CYP2C18: variants seen among roughly 807,000 people sequenced by gnomAD.
CYP2C18 encodes the protein cytochrome P450 2C18.
A neutral mutation model predicts 41.3 loss-of-function variants in CYP2C18; 38 were observed. The observed-to-expected ratio is 0.92, with a 90% CI of 0.71 to 1.21. The LOEUF (loss-of-function observed/expected upper bound fraction) is 1.21, where lower values mean the gene tolerates loss of function less well. Ranked by LOEUF, CYP2C18 falls within the 50% of genes most tolerant of loss-of-function variation. The pLI is 0.00. For synonymous variants in CYP2C18, 236 were observed against 210.0 expected (o/e 1.12, Z -1.07); for missense variants, 635 against 591.4 (o/e 1.07, Z -0.77).
chr10:94,724,353 C>G lies in CYP2C18; in HGVS notation c.969C>G (p.Val323=), dbSNP rs1442378406. The change falls in exon 7 of 9, where the codon GTC becomes GTG. Residue 323 remains valine, a synonymous_variant. Coordinates refer to ENST00000285979, the MANE Select transcript of CYP2C18 (RefSeq NM_000772.3). ...TTACTTGTGTCTTATCAGCTAAAGT[C>G]CAGGAAGAGATTGAATGTGTAGTTG... is the stretch of plus-strand genomic sequence containing the variant. ...LLKYPEVTAK[V]QEEIECVVGR... 3 of 1,613,098 alleles carry G rather than the reference C, an allele frequency of 1.9e-6. No individual in the cohort carries two copies. Among genetic ancestry groups the G allele is most frequent in the Non-Finnish European group, 1.7e-6 (2 of 1,179,544 alleles).
At chr10:94,720,733 G>A (rs1454283105) in intron 6 of CYP2C18, among the ~76,000 whole-genome samples, 196 bp downstream of exon 6, 4 of 152,144 alleles carry the variant, frequency 2.6e-5, no homozygotes, top group Non-Finnish European at 5.9e-5. Flanking sequence ...GACTGAGAGA[G>A]GTGAAGACAG....
At chr10:94,692,182 A>C (rs1847013134) in intron 3 of CYP2C18, among the ~76,000 whole-genome samples, 1 of 152,216 alleles carries the variant, frequency 6.6e-6, no homozygotes, top group African/African-American at 2.4e-5. Flanking sequence ...ATGGGATCTA[A>C]TTAAACTAAA....
rs1201450483 is a variant in CYP2C18 at position 94,736,183 on chromosome 10, A to G, written c.*739A>G. 6 of 152,154 alleles carry G rather than the reference A, an allele frequency of 3.9e-5. No homozygotes were observed. Among genetic ancestry groups the G allele is most frequent in the Non-Finnish European group, 1.5e-5 (1 of 68,014 alleles). 9.4% of individuals were successfully genotyped at this position (152,154 alleles called of 1,614,324 possible). On this transcript the variant is annotated 3_prime_UTR_variant, in exon 9 of 9. Transcript: ENST00000285979. Reference sequence around the variant, plus strand: ...ATCATGTCTAAATATATGCTTTCATATGGCTAATCATGTGTTAATGACTGT... The same window carrying G: ...ATCATGTCTAAATATATGCTTTCATGTGGCTAATCATGTGTTAATGACTGT...
intron 3 of CYP2C18, among the ~76,000 whole-genome samples, chr10:94,691,479 C>T (rs1213618133): frequency 6.6e-6 from 1 of 152,024 alleles, no homozygotes; most frequent in African/African-American, 2.4e-5. Flanking sequence ...ATGTGAAGGA[C>T]CTCTTCAAGG....
chr10:94,705,528 A>C (rs2134189894), intron 4 of CYP2C18, among the ~76,000 whole-genome samples: 1 of 151,980 alleles, frequency 6.6e-6, no homozygotes, highest in East Asian at 1.9e-4. Flanking sequence ...AAAAATAAAA[A>C]CCCACAAAGC....
At chr10:94,727,567 G>T (rs1847762998) in intron 7 of CYP2C18, among the ~76,000 whole-genome samples, 1 of 151,388 alleles carries the variant, frequency 6.6e-6, no homozygotes, top group Non-Finnish European at 1.5e-5. Context: ...GTGAGCTATG[G>T]TCGTACCACT....
chr10:94,732,035 A>C (rs1012427199), intron 7 of CYP2C18, among the ~76,000 whole-genome samples: 3 of 152,266 alleles, frequency 2.0e-5, no homozygotes, highest in African/African-American at 4.8e-5. Context: ...CTATTAACAA[A>C]GTAAACAGAC....
In CYP2C18 at chr10:94,719,390, C is replaced by T. The variant is rs1847609863; in HGVS notation, c.820-1006C>T. Among the ~76,000 whole-genome samples, 2 of 151,686 alleles carry T rather than the reference C, an allele frequency of 1.3e-5. 1 individual carries two copies. Among genetic ancestry groups the T allele is most frequent in the South Asian group, 4.2e-4 (2 of 4,808 alleles). On this transcript the variant is annotated intron_variant, in intron 5 of 8. Coordinates refer to ENST00000285979, the MANE Select transcript of CYP2C18 (RefSeq NM_000772.3). ...CCATTTTTGATCCCCACGCTTACAA[C>T]ATGAACCTTCATCTTGATTATTTTT...
intron 1 of CYP2C18, 92 bp downstream of exon 1, chr10:94,684,079 T>C: frequency 1.2e-6 from 1 of 857,364 alleles, no homozygotes; most frequent in Non-Finnish European, 1.7e-6. Flanking sequence ...TGATAAATGA[T>C]AATTGTATAT....
At chr10:94,713,901 G>A (rs1847492513) in intron 5 of CYP2C18, among the ~76,000 whole-genome samples, 4 of 152,112 alleles carry the variant, frequency 2.6e-5, no homozygotes, top group Non-Finnish European at 1.5e-5. Context: ...ATCTCATTGT[G>A]GTTTTGATTT....
At position 94,731,051 on chromosome 10, in the gene CYP2C18, C is replaced by G. The variant is rs148634912; in HGVS notation, c.1150-2246C>G. ...TGACAAAAACAAATGGAAAAGCATT[C>G]CATTCTCATGGATTGGAAGAATCAA... On this transcript the variant is annotated intron_variant, in intron 7 of 8. Transcript: ENST00000285979. Among the ~76,000 whole-genome samples, 12 of 152,282 alleles carry G rather than the reference C, an allele frequency of 7.9e-5. No homozygotes were observed. The East Asian group carries it at 2.3e-3, about 29-fold the overall frequency.
chr10:94,710,206 A>G (rs1847411985), intron 5 of CYP2C18, among the ~76,000 whole-genome samples: 1 of 152,212 alleles, frequency 6.6e-6, no homozygotes. Context: ...GCTGGCCTCA[A>G]GCAGTCCACC....
At chr10:94,698,909 C>G (rs774817773) in intron 4 of CYP2C18, among the ~76,000 whole-genome samples, 1 of 152,178 alleles carries the variant, frequency 6.6e-6, no homozygotes, top group Admixed American at 6.5e-5. Context: ...GACACATACA[C>G]CCTCCCAAAA....
intron 6 of CYP2C18, among the ~76,000 whole-genome samples, chr10:94,722,211 C>T (rs1847658714): frequency 6.6e-6 from 1 of 152,016 alleles, no homozygotes; most frequent in Non-Finnish European, 1.5e-5. Flanking sequence ...GAAAATGTGC[C>T]TGAGGAATTT....
chr10:94,696,468 A>G (rs1847118421), intron 4 of CYP2C18, among the ~76,000 whole-genome samples: 1 of 152,008 alleles, frequency 6.6e-6, no homozygotes, highest in Admixed American at 6.6e-5. Flanking sequence ...TCCACACCAA[A>G]ACCCCATCTG....
At chr10:94,725,462 T>C (rs1847724192) in intron 7 of CYP2C18, among the ~76,000 whole-genome samples, 1 of 152,150 alleles carries the variant, frequency 6.6e-6, no homozygotes, top group Non-Finnish European at 1.5e-5. Context: ...CAGTTTTCTC[T>C]TTATTGTTTT....
At chr10:94,694,618 AT>A (rs536816463) in intron 3 of CYP2C18, among the ~76,000 whole-genome samples, 1 of 151,858 alleles carries the variant, frequency 6.6e-6, no homozygotes, top group African/African-American at 2.4e-5. Context: ...GGCCTCTTTA[AT>A]TTTTTTTGTT....
At chr10:94,725,658 T>C (rs1847727756) in intron 7 of CYP2C18, among the ~76,000 whole-genome samples, 1 of 152,132 alleles carries the variant, frequency 6.6e-6, no homozygotes, top group Admixed American at 6.6e-5. Context: ...TGATGACTTT[T>C]TTTGGTCTTG....
chr10:94,711,746 C>T (rs573844122), intron 5 of CYP2C18, among the ~76,000 whole-genome samples: 1 of 152,016 alleles, frequency 6.6e-6, no homozygotes, highest in African/African-American at 2.4e-5. Context: ...ATGTAAATGC[C>T]ATGTAAGTGG....
Sources: allele counts gnomAD v4.1 joint callset (sites outside exome capture counted in the v4.1 genomes callset), GRCh38; gene constraint gnomAD v4.1.1; transcripts MANE v1.5; gene names NCBI Gene and HGNC (gene_info 2026-07-23, HGNC 2026-07-21).